The following ZPLD1 variants were observed in gnomAD, a reference collection of about 807,000 sequenced individuals.
The protein encoded by ZPLD1 is zona pellucida like domain containing 1.
In ZPLD1, 34 loss-of-function variants were observed where a neutral mutation model predicts 47.2. The ratio of observed to expected loss-of-function variants is 0.72; its 90% CI spans 0.55 to 0.96. The LOEUF (loss-of-function observed/expected upper bound fraction) is 0.96, where lower values mean the gene tolerates loss of function less well. Ranked by LOEUF, ZPLD1 falls within the 40% of genes least tolerant of loss-of-function variation. The pLI is 0.00. For synonymous variants in ZPLD1, 176 were observed against 186.2 expected, an observed-to-expected ratio of 0.95 and a Z score of 0.45; for missense variants, 512 against 505.8, an observed-to-expected ratio of 1.01 and a Z score of -0.12.
Position 102,477,521 on chromosome 3 carries a change from C to G in ZPLD1, c.1151C>G (p.Thr384Arg), listed in dbSNP as rs201532080. The G allele has an allele frequency of 1.9e-6, 3 of 1,613,656 alleles. No homozygotes were observed. The highest frequency in any genetic ancestry group is 2.7e-5 in the African/African-American group (2 of 74,876). Residue 384 changes from threonine (T) to arginine (R), a missense_variant, in exon 12 of 12, where the codon ACG (threonine) becomes AGG (arginine). Physicochemically the swap from Thr to Arg is moderately conservative, Grantham distance 71. Transcript: ENST00000466937. ...LISGMVILGV[T>R]SFSLLLCSLA... Reference sequence around the variant, plus strand: ...TCAGGAATGGTCATTCTGGGAGTTACGAGCTTTTCTCTTCTTCTGTGCTCA... The same window carrying G: ...TCAGGAATGGTCATTCTGGGAGTTAGGAGCTTTTCTCTTCTTCTGTGCTCA...
At chr3:102,445,065 C>CT (rs1195235590) in intron 3 of ZPLD1, among the ~76,000 whole-genome samples, 1 of 152,144 alleles carries the variant, frequency 6.6e-6, no homozygotes, top group Non-Finnish European at 1.5e-5. Flanking sequence ...GCCAGAAATG[C>CT]TTTTTTATGA....
intron 7 of ZPLD1, among the ~76,000 whole-genome samples, chr3:102,414,448 C>T (rs867281460): frequency 3.0e-4 from 45 of 151,652 alleles, no homozygotes; most frequent in African/African-American, 1.0e-3. Flanking sequence ...ACAGTAATTG[C>T]GCTTTAATAG....
chr3:102,432,059 A>G (rs1707021947), upstream of ZPLD1, among the ~76,000 whole-genome samples: 1 of 152,220 alleles, frequency 6.6e-6, no homozygotes, highest in African/African-American at 2.4e-5. Flanking sequence ...CCTAGGATCT[A>G]TTAGTTGTCC....
At chr3:102,445,126 T>C (rs1006012419) in intron 3 of ZPLD1, among the ~76,000 whole-genome samples, 2 of 152,148 alleles carry the variant, frequency 1.3e-5, no homozygotes, top group African/African-American at 4.8e-5. Context: ...CTGCTCTGCT[T>C]CCTCCGGGTA....
intron 8 of ZPLD1, among the ~76,000 whole-genome samples, chr3:102,466,437 G>A (rs1329268340): frequency 2.0e-5 from 3 of 152,090 alleles, no homozygotes; most frequent in African/African-American, 7.2e-5. Context: ...ATCGAAAATG[G>A]CAGAAAAGAA....
intron 6 of ZPLD1, among the ~76,000 whole-genome samples, chr3:102,389,958 G>A (rs572387878): frequency 5.3e-5 from 8 of 152,204 alleles, no homozygotes; most frequent in African/African-American, 1.9e-4. Flanking sequence ...TAGCATATTG[G>A]ATATTGAAAA....
At chr3:102,413,578 T>C (rs1367218384) in intron 7 of ZPLD1, among the ~76,000 whole-genome samples, 2 of 151,906 alleles carry the variant, frequency 1.3e-5, no homozygotes, top group Admixed American at 6.6e-5. Context: ...GCTGAAAATA[T>C]ATACATGCAA....
chr3:102,477,505 G>T lies in ZPLD1; in HGVS notation c.1135G>T (p.Val379Phe). The change falls in exon 12 of 12, where the codon GTC becomes TTC. Residue 379 changes from valine (V) to phenylalanine (F), a missense_variant. Physicochemically the swap from Val to Phe is conservative, Grantham distance 50. Coordinates refer to ENST00000466937, the MANE Select transcript of ZPLD1 (RefSeq NM_001329788.2). ...CACCAGCGCACTGATATCAGGAATG[G>T]TCATTCTGGGAGTTACGAGCTTTTC... is the stretch of plus-strand genomic sequence containing the variant. ...AITSALISGM[V>F]ILGVTSFSLL... 2 of 1,613,772 alleles carry T rather than the reference G, an allele frequency of 1.2e-6. No individual in the cohort carries two copies. The highest frequency in any genetic ancestry group is 1.7e-6 in the Non-Finnish European group (2 of 1,179,750).
At chr3:102,459,579 A>G (rs1427926795) in intron 6 of ZPLD1, among the ~76,000 whole-genome samples, 1 of 152,200 alleles carries the variant, frequency 6.6e-6, no homozygotes, top group Non-Finnish European at 1.5e-5. Flanking sequence ...TAATGCTTAA[A>G]AAAGCCTATA....
chr3:102,464,032 G>A, intron 7 of ZPLD1, 139 bp from the exon 8 acceptor site: 2 of 624,608 alleles, frequency 3.2e-6, no homozygotes, highest in South Asian at 2.0e-5. Flanking sequence ...TCTGGGCAAC[G>A]GAACAAGACT....
chr3:102,454,176 CTTG>C (rs1707378375), intron 4 of ZPLD1, among the ~76,000 whole-genome samples: 1 of 152,138 alleles, frequency 6.6e-6, no homozygotes, highest in Non-Finnish European at 1.5e-5. Flanking sequence ...TTCTTTGAAT[CTTG>C]TTCTTTATCT....
intron 8 of ZPLD1, among the ~76,000 whole-genome samples, chr3:102,418,818 C>T (rs1258583077): frequency 1.3e-5 from 2 of 151,852 alleles, no homozygotes; most frequent in Non-Finnish European, 2.9e-5. Context: ...TAATGATTGG[C>T]CTAGTATTGT....
At chr3:102,434,945 ATGTC>A, upstream of ZPLD1, 2 of 637,560 alleles carry the variant, frequency 3.1e-6, no homozygotes, top group Non-Finnish European at 5.5e-6. Flanking sequence ...TAAAATACAC[ATGTC>A]TGGAATTGCA....
chr3:102,439,492 G>T (rs758591094), intron 3 of ZPLD1, among the ~76,000 whole-genome samples: 30 of 152,106 alleles, frequency 2.0e-4, no homozygotes, highest in Non-Finnish European at 4.0e-4. Context: ...TGAAGGTCAC[G>T]GTGGGAATGA....
chr3:102,457,140 T>C (rs1038160867), intron 5 of ZPLD1, among the ~76,000 whole-genome samples: 1 of 152,242 alleles, frequency 6.6e-6, no homozygotes. Flanking sequence ...ATCTTAGTTA[T>C]GAGGAAATGT....
intron 7 of ZPLD1, among the ~76,000 whole-genome samples, chr3:102,416,296 C>A (rs754168794): frequency 1.3e-5 from 2 of 151,874 alleles, no homozygotes; most frequent in African/African-American, 4.8e-5. Flanking sequence ...TTTTAGCTAA[C>A]CAACTTGTAG....
At chr3:102,408,546 G>A (rs904193845) in intron 7 of ZPLD1, among the ~76,000 whole-genome samples, 1 of 151,826 alleles carries the variant, frequency 6.6e-6, no homozygotes, top group African/African-American at 2.4e-5. Context: ...TGCAGAAACT[G>A]AGAATGAAAG....
intron 8 of ZPLD1, among the ~76,000 whole-genome samples, chr3:102,468,521 C>T (rs892774128): frequency 2.6e-5 from 4 of 151,952 alleles, no homozygotes; most frequent in Non-Finnish European, 5.9e-5. Context: ...CTTTAAAAGG[C>T]GAGGTACCAC....
chr3:102,461,899 A>G (rs1317759099), intron 6 of ZPLD1, among the ~76,000 whole-genome samples: 1 of 152,114 alleles, frequency 6.6e-6, no homozygotes, highest in Non-Finnish European at 1.5e-5. Context: ...TATAATTTAA[A>G]TAAACTCAAT....
Sources: allele counts gnomAD v4.1 joint callset (sites outside exome capture counted in the v4.1 genomes callset), GRCh38; gene constraint gnomAD v4.1.1; transcripts MANE v1.5; gene names NCBI Gene and HGNC (gene_info 2026-07-23, HGNC 2026-07-21).